MTHFD2L: variants seen among roughly 807,000 people sequenced by gnomAD.
MTHFD2L encodes bifunctional methylenetetrahydrofolate dehydrogenase/cyclohydrolase 2, mitochondrial.
A neutral mutation model predicts 34.9 loss-of-function variants in MTHFD2L; 29 were observed. That is an observed-to-expected ratio of 0.83 (90% CI 0.62 to 1.13). MTHFD2L has a LOEUF of 1.13. Ranked by LOEUF, MTHFD2L falls within the 50% of genes most tolerant of loss-of-function variation. The pLI, the probability that MTHFD2L is intolerant of heterozygous loss-of-function variation, is 0.00. For synonymous variants in MTHFD2L, 167 were observed against 155.7 expected (o/e 1.07, Z -0.54); for missense variants, 481 against 446.5 (o/e 1.08, Z -0.70).
At chr4:74,127,841 T>C (rs1722189546) in intron 1 of MTHFD2L, among the ~76,000 whole-genome samples, 3 of 152,128 alleles carry the variant, frequency 2.0e-5, no homozygotes, top group Admixed American at 1.3e-4. Flanking sequence ...TTCATAGTGG[T>C]CATTTTAATT....
upstream of MTHFD2L, among the ~76,000 whole-genome samples, chr4:74,119,974 T>C (rs1262391809): frequency 2.0e-5 from 3 of 150,730 alleles, no homozygotes; most frequent in Non-Finnish European, 3.0e-5. Flanking sequence ...GACTTTGGAG[T>C]TTTTCAAAAG....
upstream of MTHFD2L, among the ~76,000 whole-genome samples, chr4:74,124,915 C>T (rs1293583018): frequency 6.6e-6 from 1 of 151,746 alleles, no homozygotes; most frequent in Non-Finnish European, 1.5e-5. Context: ...TGTTTAGGTG[C>T]TGAGAGTACA....
chr4:74,145,924 A>G (rs1248918744), intron 1 of MTHFD2L, among the ~76,000 whole-genome samples: 1 of 152,124 alleles, frequency 6.6e-6, no homozygotes, highest in East Asian at 1.9e-4. Context: ...CGAAGCTGCT[A>G]TGCTCCCTAT....
At chr4:74,236,369 A>C (rs1740835038) in intron 6 of MTHFD2L, among the ~76,000 whole-genome samples, 1 of 152,192 alleles carries the variant, frequency 6.6e-6, no homozygotes, top group Non-Finnish European at 1.5e-5. Context: ...GATTGCCTAA[A>C]TTTTGCTTGA....
intron 6 of MTHFD2L, among the ~76,000 whole-genome samples, chr4:74,245,722 G>T (rs922421209): frequency 1.3e-5 from 2 of 151,986 alleles, no homozygotes; most frequent in East Asian, 1.9e-4. Context: ...GTGAGAACAC[G>T]TGGTGTTTGG....
chr4:74,164,851 A>T (rs746308863), intron 1 of MTHFD2L: 4 of 428,006 alleles, frequency 9.3e-6, no homozygotes, highest in Non-Finnish European at 9.4e-6. Context: ...ATGAAGCCAC[A>T]TTTCGTGGCT....
chr4:74,212,465 C>T (rs941710461), intron 5 of MTHFD2L, among the ~76,000 whole-genome samples: 1 of 152,148 alleles, frequency 6.6e-6, no homozygotes, highest in South Asian at 2.1e-4. Flanking sequence ...AGTAGTCATT[C>T]AGGAGCAGAT....
intron 6 of MTHFD2L, among the ~76,000 whole-genome samples, chr4:74,271,426 G>A (rs1264602747): frequency 5.9e-5 from 9 of 152,306 alleles, no homozygotes; most frequent in Admixed American, 5.9e-4. Flanking sequence ...ATTAAATAGG[G>A]AATCCTTTCC....
At chr4:74,257,905 G>A (rs893906011) in intron 6 of MTHFD2L, among the ~76,000 whole-genome samples, 1 of 152,096 alleles carries the variant, frequency 6.6e-6, no homozygotes, top group Middle Eastern at 3.4e-3. Flanking sequence ...CATACATGAT[G>A]TGATTTTCTT....
intron 1 of MTHFD2L, 23 bp downstream of exon 1, chr4:74,158,304 G>C (rs752424048): frequency 1.6e-6 from 2 of 1,257,942 alleles, no homozygotes; most frequent in Non-Finnish European, 2.0e-6. Context: ...CGGGCGCCGG[G>C]TGCGGAGCCG....
chr4:74,166,004 C>T (rs1284121268), intron 1 of MTHFD2L, among the ~76,000 whole-genome samples: 1 of 152,036 alleles, frequency 6.6e-6, no homozygotes, highest in Non-Finnish European at 1.5e-5. Flanking sequence ...AATTGTATTC[C>T]AATGTTTTAC....
chr4:74,167,614 G>T (rs1225753773), intron 1 of MTHFD2L, among the ~76,000 whole-genome samples: 1 of 152,338 alleles, frequency 6.6e-6, no homozygotes, highest in Middle Eastern at 3.4e-3. Context: ...GCTGAGACTT[G>T]AGCAATGTGT....
chr4:74,144,478 T>C (rs1723468623), intron 1 of MTHFD2L, among the ~76,000 whole-genome samples: 1 of 152,024 alleles, frequency 6.6e-6, no homozygotes, highest in Non-Finnish European at 1.5e-5. Context: ...AAAAACAAGC[T>C]AACAAACAAA....
chr4:74,158,337 G>T, intron 1 of MTHFD2L, 56 bp downstream of exon 1: 2 of 1,171,456 alleles, frequency 1.7e-6, no homozygotes, highest in South Asian at 4.0e-5. Context: ...GGTCGGCGGG[G>T]GCGCGGGCGG....
At chr4:74,197,518 A>T (rs1578432503) in intron 3 of MTHFD2L, among the ~76,000 whole-genome samples, 1 of 152,128 alleles carries the variant, frequency 6.6e-6, no homozygotes, top group African/African-American at 2.4e-5. Context: ...AGAGTTATCA[A>T]ATGTCTTATT....
intron 6 of MTHFD2L, among the ~76,000 whole-genome samples, chr4:74,240,552 T>A (rs1429033739): frequency 1.3e-5 from 2 of 152,164 alleles, no homozygotes; most frequent in Non-Finnish European, 2.9e-5. Context: ...TTGTATTCGA[T>A]TATATTCATT....
upstream of MTHFD2L, among the ~76,000 whole-genome samples, chr4:74,124,594 G>A (rs1187190056): frequency 1.3e-5 from 2 of 151,896 alleles, no homozygotes; most frequent in Admixed American, 1.3e-4. Flanking sequence ...CTTTCTATTT[G>A]TAGCAACCTG....
At chr4:74,198,633 A>G (rs1247213809) in intron 3 of MTHFD2L, among the ~76,000 whole-genome samples, 2 of 152,106 alleles carry the variant, frequency 1.3e-5, no homozygotes, top group Admixed American at 6.5e-5. Flanking sequence ...TTTTACCCTC[A>G]TGTAATAAGT....
intron 1 of MTHFD2L, among the ~76,000 whole-genome samples, chr4:74,138,159 G>C (rs1207643547): frequency 6.6e-6 from 1 of 151,954 alleles, no homozygotes; most frequent in African/African-American, 2.4e-5. Flanking sequence ...TCTCTGTCTT[G>C]TTAGGGTTAG....
Sources: allele counts gnomAD v4.1 joint callset (sites outside exome capture counted in the v4.1 genomes callset), GRCh38; gene constraint gnomAD v4.1.1; transcripts MANE v1.5; gene names NCBI Gene and HGNC (gene_info 2026-07-23, HGNC 2026-07-21).